CNTN3: variants seen among roughly 807,000 people sequenced by gnomAD.
CNTN3 encodes the protein contactin 3.
Under a neutral mutation model 119.1 loss-of-function variants are expected in CNTN3, and 60 were observed. The observed-to-expected ratio is 0.50, with a 90% confidence interval of 0.41 to 0.62. The LOEUF is 0.62. Ranked by LOEUF, CNTN3 falls within the 20% of genes least tolerant of loss-of-function variation. CNTN3 has a pLI of 0.00. For missense variants in CNTN3, 1,101 were observed against 1,242.4 expected (o/e 0.89, Z 1.71); for synonymous variants, 450 against 438.7 (o/e 1.03, Z -0.32).
chr3:74,288,711 GAGA>G (rs373850282), intron 19 of CNTN3, among the ~76,000 whole-genome samples: 12 of 152,230 alleles, frequency 7.9e-5, no homozygotes, highest in African/African-American at 2.9e-4. Flanking sequence ...TTTCAAAACA[GAGA>G]AGGACTTTAA....
At chr3:74,362,161 T>C in intron 10 of CNTN3, 121 bp from the exon 11 acceptor site, 1 of 1,015,902 alleles carries the variant, frequency 9.8e-7, no homozygotes, top group Non-Finnish European at 1.4e-6. Flanking sequence ...AGTGCTTGAT[T>C]TACTTGGCTT....
chr3:74,443,089 TGGA>T (rs140187717), intron 4 of CNTN3, among the ~76,000 whole-genome samples: 3,492 of 152,166 alleles, frequency 0.023, 117 homozygotes, highest in African/African-American at 0.075. Flanking sequence ...GGCCTTGGGG[TGGA>T]GGAGAAGGAA....
At chr3:74,400,503 T>C (rs1705163629) in intron 5 of CNTN3, among the ~76,000 whole-genome samples, 1 of 152,166 alleles carries the variant, frequency 6.6e-6, no homozygotes, top group Non-Finnish European at 1.5e-5. Flanking sequence ...AAACTTCCAT[T>C]TGAGAAAGGT....
chr3:74,564,312 G>C (rs1704195815), intron 1 of CNTN3, among the ~76,000 whole-genome samples: 1 of 152,078 alleles, frequency 6.6e-6, no homozygotes, highest in African/African-American at 2.4e-5. Context: ...CCAAGGATGG[G>C]AGTGGCTGCT....
intron 5 of CNTN3, among the ~76,000 whole-genome samples, chr3:74,408,322 T>C (rs1423631565): frequency 6.6e-6 from 1 of 152,190 alleles, no homozygotes; most frequent in African/African-American, 2.4e-5. Context: ...GAACATAATG[T>C]TGTAGGCCTT....
chr3:74,354,901 T>A (rs1227540249), intron 11 of CNTN3, among the ~76,000 whole-genome samples: 1 of 152,100 alleles, frequency 6.6e-6, no homozygotes, highest in East Asian at 1.9e-4. Flanking sequence ...TACGAGAGTT[T>A]CAGAGGTAAG....
chr3:74,354,257 G>A (rs191471450), intron 11 of CNTN3, among the ~76,000 whole-genome samples: 15 of 152,130 alleles, frequency 9.9e-5, no homozygotes, highest in Admixed American at 8.5e-4. Context: ...TAGAAGCAAT[G>A]AGCCATTCTT....
chr3:74,485,451 A>G (rs896266021), intron 4 of CNTN3, among the ~76,000 whole-genome samples: 1 of 152,100 alleles, frequency 6.6e-6, no homozygotes, highest in Admixed American at 6.6e-5. Flanking sequence ...AGAACAAAAT[A>G]AATATGAAAA....
chr3:74,519,065 A>G (rs991899522), intron 2 of CNTN3, among the ~76,000 whole-genome samples: 1 of 151,900 alleles, frequency 6.6e-6, no homozygotes, highest in African/African-American at 2.4e-5. Flanking sequence ...TAATAGGCTT[A>G]AGTGTATATT....
intron 13 of CNTN3, among the ~76,000 whole-genome samples, chr3:74,308,273 C>A (rs1365437810): frequency 6.6e-6 from 1 of 152,168 alleles, no homozygotes. Flanking sequence ...TGAAAACAGG[C>A]CCTAACATTG....
At chr3:74,548,515 A>G (rs963561498) in intron 1 of CNTN3, among the ~76,000 whole-genome samples, 6 of 152,200 alleles carry the variant, frequency 3.9e-5, no homozygotes, top group African/African-American at 1.4e-4. Context: ...ATCCTGGAAT[A>G]AACATTCCTT....
chr3:74,319,382 C>T (rs1702923438), intron 13 of CNTN3, among the ~76,000 whole-genome samples: 1 of 152,172 alleles, frequency 6.6e-6, no homozygotes, highest in Non-Finnish European at 1.5e-5. Flanking sequence ...ACCATCTGAT[C>T]TTTGACAAAC....
chr3:74,535,838 G>A (rs138488809), intron 1 of CNTN3, among the ~76,000 whole-genome samples: 22 of 152,044 alleles, frequency 1.4e-4, no homozygotes, highest in South Asian at 4.2e-4. Context: ...CAAGACATTC[G>A]TGACGACCAA....
intron 8 of CNTN3, among the ~76,000 whole-genome samples, chr3:74,366,461 A>G (rs1704189091): frequency 6.6e-6 from 1 of 152,020 alleles, no homozygotes; most frequent in Admixed American, 6.6e-5. Context: ...CACTTACTAT[A>G]TACAGTATAT....
intron 3 of CNTN3, among the ~76,000 whole-genome samples, chr3:74,489,327 C>T (rs1702918706): frequency 6.6e-6 from 1 of 152,090 alleles, no homozygotes; most frequent in African/African-American, 2.4e-5. Flanking sequence ...TAGACACAAG[C>T]AGAAAAGAAC....
chr3:74,295,595 C>T (rs1055807273), intron 18 of CNTN3, among the ~76,000 whole-genome samples: 2 of 152,060 alleles, frequency 1.3e-5, no homozygotes, highest in Admixed American at 1.3e-4. Flanking sequence ...TGCCCACAGA[C>T]GCTACTTAGT....
intron 1 of CNTN3, among the ~76,000 whole-genome samples, chr3:74,529,567 G>A (rs1488039118): frequency 6.6e-6 from 1 of 151,716 alleles, no homozygotes; most frequent in Non-Finnish European, 1.5e-5. Context: ...CTACTGAGAG[G>A]TTACCACTAA....
chr3:74,573,070 GTGACTCCC>G (rs572443700), intron 1 of CNTN3, among the ~76,000 whole-genome samples: 67 of 152,182 alleles, frequency 4.4e-4, no homozygotes, highest in Non-Finnish European at 8.1e-4. Flanking sequence ...CACAAGGCAC[GTGACTCCC>G]TGCCTAAATG....
chr3:74,488,909 T>C (rs185614520), intron 3 of CNTN3, among the ~76,000 whole-genome samples: 1 of 152,200 alleles, frequency 6.6e-6, no homozygotes, highest in Non-Finnish European at 1.5e-5. Context: ...AACTCTCTTA[T>C]TATCCTTCCC....
Sources: allele counts gnomAD v4.1 joint callset (sites outside exome capture counted in the v4.1 genomes callset), GRCh38; gene constraint gnomAD v4.1.1; transcripts MANE v1.5; gene names NCBI Gene and HGNC (gene_info 2026-07-23, HGNC 2026-07-21).